CHRNA7: variants seen among roughly 807,000 people sequenced by gnomAD.
CHRNA7 encodes cholinergic receptor nicotinic alpha 7 subunit, also known as neuronal acetylcholine receptor subunit alpha-7.
CHRNA7 carries 17 observed loss-of-function variants against 48.0 expected under a neutral mutation model. That is an observed-to-expected ratio of 0.35 (90% CI 0.24 to 0.53). The LOEUF is 0.53. CHRNA7 is among the 20% of genes least tolerant of loss of function. The probability of loss-of-function intolerance (pLI) is 0.92; values close to 1 mark genes in which losing one functional copy is unlikely to be tolerated. For synonymous variants in CHRNA7, 75 were observed against 242.3 expected (o/e 0.31, Z 6.41); for missense variants, 155 against 577.7 (o/e 0.27, Z 7.50).
At chr15:32,050,717 T>G (rs1262843952) in intron 2 of CHRNA7, among the ~76,000 whole-genome samples, 1 of 151,608 alleles carries the variant, frequency 6.6e-6, no homozygotes, top group Admixed American at 6.6e-5. Flanking sequence ...AGGAGGAGAG[T>G]CACTCTGCTT....
intron 2 of CHRNA7, among the ~76,000 whole-genome samples, chr15:32,094,862 A>G (rs989410657): frequency 6.6e-6 from 1 of 152,186 alleles, no homozygotes; most frequent in East Asian, 1.9e-4. Flanking sequence ...GGGTTTCACC[A>G]TGGTCTTGAT....
rs116151588 is a variant in CHRNA7 at position 32,120,900 on chromosome 15, G to C, written c.350+9001G>C. 9.1e-3 allele frequency among the ~76,000 whole-genome samples: 1,388 copies of C among 152,298 alleles called. 27 individuals are homozygous for C. Among genetic ancestry groups the C allele is most frequent in the African/African-American group, 0.032 (1,337 of 41,576 alleles). ...AGACAGGAACTCAATGGGCGGTTCA[G>C]TCTTCATCATGAGCTGCCTGAGGGA... On this transcript the variant is annotated intron_variant, in intron 4 of 9. Coordinates refer to ENST00000306901, the MANE Select transcript of CHRNA7 (RefSeq NM_000746.6).
intron 4 of CHRNA7, chr15:32,112,332 A>T: frequency 2.2e-6 from 1 of 457,976 alleles, no homozygotes; most frequent in Non-Finnish European, 4.4e-6. Context: ...CCTGTTGTGC[A>T]TTGGAGAGTT....
intron 4 of CHRNA7, among the ~76,000 whole-genome samples, chr15:32,124,076 C>G (rs1191800334): frequency 6.7e-6 from 1 of 150,098 alleles, no homozygotes; most frequent in Non-Finnish European, 1.5e-5. Context: ...AATCCCATAA[C>G]AGTTCTCAAA....
At chr15:32,147,122 A>G (rs1478319920) in intron 4 of CHRNA7, among the ~76,000 whole-genome samples, 3 of 152,244 alleles carry the variant, frequency 2.0e-5, no homozygotes, top group Admixed American at 6.5e-5. Flanking sequence ...CAGTTGTTAT[A>G]ATATCCCATG....
intron 3 of CHRNA7, 146 bp from the exon 4 acceptor site, chr15:32,111,644 C>A: frequency 1.8e-6 from 1 of 568,996 alleles, no homozygotes; most frequent in Non-Finnish European, 3.1e-6. Context: ...TTTTGAATTC[C>A]CATTTTCATT....
Position 32,150,148 on chromosome 15 carries a change from C to T in CHRNA7, c.351-3759C>T, listed in dbSNP as rs552261536. Among the ~76,000 whole-genome samples the T allele has an allele frequency of 3.0e-4, 46 of 152,276 alleles. 1 individual carries two copies. In the East Asian group the frequency reaches 6.7e-3, roughly 22 times the overall value. On this transcript the variant is annotated intron_variant, in intron 4 of 9. Transcript: ENST00000306901. ...CTCACTGCAGCCTCAAACTCCTGGG[C>T]TCAACTAATCCTCCTGCCTCAGCCT...
chr15:32,108,933 G>A (rs1330703523), intron 3 of CHRNA7, among the ~76,000 whole-genome samples: 1 of 152,164 alleles, frequency 6.6e-6, no homozygotes, highest in East Asian at 1.9e-4. Flanking sequence ...GACCCTTGGT[G>A]CAAACCCAGG....
chr15:32,061,972 G>A (rs2049886466), intron 2 of CHRNA7, among the ~76,000 whole-genome samples: 1 of 152,152 alleles, frequency 6.6e-6, no homozygotes, highest in Admixed American at 6.5e-5. Context: ...CTCATGATTG[G>A]TGATACTTTT....
intron 2 of CHRNA7, among the ~76,000 whole-genome samples, chr15:32,076,750 T>TA (rs1443192216): frequency 5.3e-5 from 8 of 152,182 alleles, no homozygotes; most frequent in Non-Finnish European, 8.8e-5. Flanking sequence ...GGTACATTGT[T>TA]ACGATTGACA....
chr15:32,115,095 C>T (rs186601597), intron 4 of CHRNA7, among the ~76,000 whole-genome samples: 15 of 152,310 alleles, frequency 9.8e-5, no homozygotes, highest in Admixed American at 5.9e-4. Context: ...GTGAGGGTCC[C>T]GCAACAGCCC....
intron 2 of CHRNA7, among the ~76,000 whole-genome samples, chr15:32,067,907 A>T (rs530927985): frequency 6.6e-6 from 1 of 152,346 alleles, no homozygotes; most frequent in Admixed American, 6.5e-5. Context: ...TGACAAGGAA[A>T]TGAAAATGGT....
chr15:32,069,797 A>G (rs2050024618), intron 2 of CHRNA7, among the ~76,000 whole-genome samples: 1 of 152,160 alleles, frequency 6.6e-6, no homozygotes, highest in African/African-American at 2.4e-5. Flanking sequence ...GTGAAAAGAG[A>G]TCTAGGTTGC....
At chr15:32,152,809 C>T (rs112319005) in intron 4 of CHRNA7, among the ~76,000 whole-genome samples, 52 of 152,092 alleles carry the variant, frequency 3.4e-4, no homozygotes, top group Middle Eastern at 3.2e-3. Context: ...TCCAAGGGGC[C>T]TCCAGAGTCA....
intron 4 of CHRNA7, among the ~76,000 whole-genome samples, chr15:32,131,267 A>G (rs909256917): frequency 6.6e-6 from 1 of 151,960 alleles, no homozygotes; most frequent in African/African-American, 2.4e-5. Flanking sequence ...AACATTTTTC[A>G]TTCTCATTTT....
intron 2 of CHRNA7, among the ~76,000 whole-genome samples, chr15:32,073,027 G>A (rs1030001082): frequency 8.5e-5 from 13 of 152,252 alleles, no homozygotes; most frequent in African/African-American, 2.2e-4. Flanking sequence ...GCAACCATCC[G>A]CCAGACCCAT....
intron 2 of CHRNA7, among the ~76,000 whole-genome samples, chr15:32,070,687 T>C (rs1456419819): frequency 8.8e-6 from 1 of 113,330 alleles, no homozygotes; most frequent in Non-Finnish European, 1.9e-5. Context: ...TTTTTTTTTT[T>C]TTTTTTTTTT....
intron 4 of CHRNA7, among the ~76,000 whole-genome samples, chr15:32,126,409 T>A (rs764696438): frequency 1.3e-5 from 2 of 152,202 alleles, no homozygotes; most frequent in African/African-American, 2.4e-5. Flanking sequence ...TTATCTTGGC[T>A]TTGTTGAACT....
chr15:32,105,973 G>A (rs958358954), intron 3 of CHRNA7, among the ~76,000 whole-genome samples: 2 of 152,094 alleles, frequency 1.3e-5, no homozygotes, highest in African/African-American at 2.4e-5. Context: ...CAGTCTGGAA[G>A]CCCTGGCATT....
Sources: gnomAD v4.1 joint callset for allele counts (sites outside exome capture counted in the v4.1 genomes callset) on GRCh38, gnomAD v4.1.1 for gene constraint, MANE v1.5 for transcripts, NCBI Gene and HGNC (gene_info 2026-07-23, HGNC 2026-07-21) for gene names.